SF3B1: variants seen among roughly 807,000 people sequenced by gnomAD.
SF3B1 encodes the protein pre-mRNA processing 10.
In SF3B1, 12 loss-of-function variants were observed where a neutral mutation model predicts 153.8. That is an observed-to-expected ratio of 0.08 (90% CI 0.05 to 0.13). The LOEUF is 0.13. SF3B1 is among the 10% of genes least tolerant of loss of function. The pLI, the probability that SF3B1 is intolerant of heterozygous loss-of-function variation, is 1.00. For missense variants in SF3B1, 513 were observed against 1,606.1 expected (o/e 0.32, Z 11.63); for synonymous variants, 498 against 525.2 (o/e 0.95, Z 0.71).
At position 197,423,928 on chromosome 2, in the gene SF3B1, A is replaced by C; in HGVS notation, c.75T>G (p.Leu25=). 2.5e-6 allele frequency: 4 copies of C among 1,611,876 alleles called. No homozygotes were observed. The highest frequency in any genetic ancestry group is 3.4e-6 in the Non-Finnish European group (4 of 1,179,518). The part of the protein sequence containing the change: ...IREIQGKKAA[L]DEAQGVGLDS... ...CGAGGCCCACTCCTTGAGCTTCATC[A>C]AGAGCTGCCTTCTTGCCTTGAATTT... The change falls in exon 2 of 25, where the codon CTT becomes CTG. Residue 25 remains leucine (L), a synonymous_variant. Transcript: ENST00000335508.
chr2:197,392,535 A>C, intron 24 of SF3B1, 74 bp from the exon 25 acceptor site: 1 of 403,094 alleles, frequency 2.5e-6, no homozygotes. Flanking sequence ...AAGAAAACAT[A>C]AAGATATGAT....
intron 24 of SF3B1, among the ~76,000 whole-genome samples, chr2:197,392,770 G>A (rs1425775546): frequency 1.3e-5 from 2 of 152,018 alleles, no homozygotes; most frequent in Non-Finnish European, 2.9e-5. Context: ...GCAGTGGGGG[G>A]AAAGGGGAGG....
chr2:197,423,974 T>G lies in SF3B1; in HGVS notation c.29A>C (p.Asp10Ala), dbSNP rs1574552692. Residue 10 changes from aspartate to alanine, a missense_variant and splice_region_variant, in exon 2 of 25, where the codon GAT becomes GCT. Asp to Ala is a moderately radical substitution (Grantham distance 126). Coordinates refer to ENST00000335508, the MANE Select transcript of SF3B1 (RefSeq NM_012433.4). MAKIAKTHE[D>A]IEAQIREIQG... ...AATTTCTCGAATCTGTGCTTCAATA[T>G]CTATAAAAAGATAACACAGACTTTC... 1 of 1,605,414 alleles carries G rather than the reference T, an allele frequency of 6.2e-7. No homozygotes were observed. The highest frequency in any genetic ancestry group is 8.5e-7 in the Non-Finnish European group (1 of 1,178,052).
chr2:197,410,665 C>A (rs904560467), intron 6 of SF3B1, among the ~76,000 whole-genome samples: 1 of 151,596 alleles, frequency 6.6e-6, no homozygotes. Flanking sequence ...GCCACCACGC[C>A]GGGCTAATTT....
At chr2:197,433,077 T>C (rs917419306) in intron 1 of SF3B1, among the ~76,000 whole-genome samples, 9 of 152,174 alleles carry the variant, frequency 5.9e-5, no homozygotes. Context: ...CAAAAATGGC[T>C]TAACAAGAGA....
At chr2:197,395,935 A>G (rs1483043639) in intron 23 of SF3B1, 121 bp downstream of exon 23, 3 of 786,188 alleles carry the variant, frequency 3.8e-6, no homozygotes, top group South Asian at 3.6e-5. Context: ...CTAAGACTCC[A>G]GGCTAGCAAT....
chr2:197,398,931 G>T, intron 20 of SF3B1: 2 of 630,992 alleles, frequency 3.2e-6, no homozygotes, highest in Non-Finnish European at 5.4e-6. Flanking sequence ...AGGTAAACAT[G>T]TAAATAAAGC....
In SF3B1 at chr2:197,396,142, A is replaced by C. The variant is rs753032937; in HGVS notation, c.3453T>G (p.Leu1151=). Residue 1151 remains leucine, a synonymous_variant, in exon 23 of 25, where the codon CTT becomes CTG. Transcript: ENST00000335508. The stretch of plus-strand genomic sequence containing the variant: ...CACCAATATATTCAAACAAGAAGGA[A>C]AGCGATTTTAACACTCCATTTTGAA... ...LNVQNGVLKS[L]SFLFEYIGEM... The C allele has an allele frequency of 1.9e-6, 3 of 1,613,886 alleles. No individual in the cohort carries two copies. In the South Asian group the frequency reaches 3.3e-5, roughly 18 times the overall value.
intron 5 of SF3B1, among the ~76,000 whole-genome samples, chr2:197,418,257 A>AAAAAAAAAAAAAAAAAAAAAAAAAC (rs2085185230): frequency 7.0e-6 from 1 of 142,768 alleles, no homozygotes; most frequent in Non-Finnish European, 1.5e-5. Flanking sequence ...AAAAAAAAAA[A>AAAAAAAAAAAAAAAAAAAAAAAAAC]AAAAAAATCC....
chr2:197,417,711 C>A (rs761643161), intron 5 of SF3B1, among the ~76,000 whole-genome samples: 5 of 151,898 alleles, frequency 3.3e-5, no homozygotes, highest in African/African-American at 1.2e-4. Flanking sequence ...AAGCTGAAAT[C>A]GCACCACTGC....
At chr2:197,398,649 A>T in intron 20 of SF3B1, 68 bp from the exon 21 acceptor site, 4 of 1,428,412 alleles carry the variant, frequency 2.8e-6, no homozygotes, top group Non-Finnish European at 3.9e-6. Context: ...CCTTTTACTT[A>T]GCAATGTCAT....
At chr2:197,429,359 G>A (rs1228738868) in intron 1 of SF3B1, among the ~76,000 whole-genome samples, 1 of 152,198 alleles carries the variant, frequency 6.6e-6, no homozygotes, top group East Asian at 1.9e-4. Context: ...TTTATTACTG[G>A]GTAGTATTCC....
chr2:197,393,933 T>C (rs1420935883), intron 23 of SF3B1, among the ~76,000 whole-genome samples: 2 of 152,076 alleles, frequency 1.3e-5, no homozygotes, highest in African/African-American at 4.8e-5. Flanking sequence ...TCTGTAATCC[T>C]AGCGCTTTGG....
At chr2:197,407,966 A>G (rs764238508) in intron 9 of SF3B1, 32 bp downstream of exon 9, 1 of 1,595,614 alleles carries the variant, frequency 6.3e-7, no homozygotes, top group Non-Finnish European at 8.6e-7. Context: ...TGTATATCCT[A>G]AATACCACCT....
Position 197,432,819 on chromosome 2 carries a change from T to C in SF3B1, c.28+2153A>G, listed in dbSNP as rs555039359. 4.6e-5 allele frequency among the ~76,000 whole-genome samples: 7 copies of C among 152,074 alleles called. No homozygotes were observed. The East Asian group carries it at 7.7e-4, about 17-fold the overall frequency. ...AGGCGGAGGTTGCTGTGAGCCGAGATTGCACCACTGCACTTCTGCCTGGGC... is the reference window on the plus strand; with the variant it reads ...AGGCGGAGGTTGCTGTGAGCCGAGACTGCACCACTGCACTTCTGCCTGGGC... On this transcript the variant is annotated intron_variant, in intron 1 of 24. Coordinates refer to ENST00000335508, the MANE Select transcript of SF3B1 (RefSeq NM_012433.4).
Position 197,426,398 on chromosome 2 carries a change from C to T in SF3B1, c.29-2424G>A, listed in dbSNP as rs182192135. On this transcript the variant is annotated intron_variant, in intron 1 of 24. Transcript: ENST00000335508. ...GCAACCTCCGCCTCCCAGGTTCAAG[C>T]CATTCTCCTGCCTCAGCCTCCCAAA... Among the ~76,000 whole-genome samples the T allele has an allele frequency of 5.1e-4, 77 of 152,152 alleles. 1 individual carries two copies. The East Asian group carries it at 0.013, about 26-fold the overall frequency.
In SF3B1 at chr2:197,402,109, T is replaced by TG; in HGVS notation, c.2098_2099insC (p.Lys700ThrfsTer15). 6.2e-7 allele frequency: 1 copy of TG among 1,605,108 alleles called. No individual in the cohort carries two copies. The highest frequency in any genetic ancestry group is 8.5e-7 in the Non-Finnish European group (1 of 1,174,982). On this transcript the variant is annotated frameshift_variant, in exon 15 of 25. Transcript: ENST00000335508. LOFTEE classifies it high-confidence loss of function. This position sits in a 1 kb window ranked among gnomAD's most constrained non-coding sequence, Gnocchi z 4.6. ...GGCCAAAGCACTGATGGTCCGAACT[T>TG]TCTGCTGCTCATCCACAAGACCTAC...
At chr2:197,416,429 T>C (rs556473418) in intron 6 of SF3B1, among the ~76,000 whole-genome samples, 1 of 151,962 alleles carries the variant, frequency 6.6e-6, no homozygotes, top group African/African-American at 2.4e-5. Context: ...TAAATTAAGG[T>C]CAAATGGGGT....
intron 2 of SF3B1, among the ~76,000 whole-genome samples, chr2:197,421,842 G>C (rs374550602): frequency 1.3e-5 from 2 of 152,020 alleles, no homozygotes; most frequent in African/African-American, 4.8e-5. Context: ...TTAGCCAGGC[G>C]TGGTGGTGTG....
Sources: allele counts gnomAD v4.1 joint callset (sites outside exome capture counted in the v4.1 genomes callset), GRCh38; gene constraint gnomAD v4.1.1; non-coding constraint Gnocchi (gnomAD v3.1); transcripts MANE v1.5; gene names NCBI Gene and HGNC (gene_info 2026-07-23, HGNC 2026-07-21).